SLC4A5: variants seen among roughly 807,000 people sequenced by gnomAD.
The protein encoded by SLC4A5 is solute carrier family 4 member 5, also known as electrogenic sodium bicarbonate cotransporter 4.
Under a neutral mutation model 120.4 loss-of-function variants are expected in SLC4A5, and 96 were observed. The ratio of observed to expected loss-of-function variants is 0.80; its 90% CI spans 0.68 to 0.94. The LOEUF (loss-of-function observed/expected upper bound fraction) is 0.94, where lower values mean the gene tolerates loss of function less well. Ranked by LOEUF, SLC4A5 falls within the 40% of genes least tolerant of loss-of-function variation. The pLI is 0.00. For missense variants in SLC4A5, 1,259 were observed against 1,459.5 expected, an observed-to-expected ratio of 0.86 and a Z score of 2.24; for synonymous variants, 550 against 571.1, an observed-to-expected ratio of 0.96 and a Z score of 0.53.
intron 4 of SLC4A5, among the ~76,000 whole-genome samples, chr2:74,331,617 T>C (rs1015773377): frequency 1.6e-4 from 24 of 151,926 alleles, no homozygotes; most frequent in African/African-American, 5.6e-4. Context: ...CATGGTACCT[T>C]TGGGAAATCA....
intron 9 of SLC4A5, among the ~76,000 whole-genome samples, 189 bp from the exon 10 acceptor site, chr2:74,264,488 A>AAG (rs1671238772): frequency 2.3e-5 from 2 of 87,934 alleles, no homozygotes; most frequent in African/African-American, 1.9e-4. Context: ...GTTCAAGGGC[A>AAG]CGTGTGTGTG....
intron 5 of SLC4A5, among the ~76,000 whole-genome samples, chr2:74,317,754 C>A (rs1056131658): frequency 3.3e-5 from 5 of 152,230 alleles, no homozygotes. Flanking sequence ...GAAGTTTAGG[C>A]CCTCCAGGCA....
intron 9 of SLC4A5, 100 bp from the exon 10 acceptor site, chr2:74,264,399 AG>A: frequency 7.2e-7 from 1 of 1,390,538 alleles, no homozygotes; most frequent in Non-Finnish European, 9.7e-7. Flanking sequence ...TAAATGTGGC[AG>A]AGGGGGTGTG....
chr2:74,323,305 TA>T (rs1477780665), intron 5 of SLC4A5, among the ~76,000 whole-genome samples: 3 of 152,126 alleles, frequency 2.0e-5, no homozygotes, highest in Non-Finnish European at 4.4e-5. Context: ...GTTTCCAACC[TA>T]ACATTCTCCA....
At chr2:74,271,030 C>T (rs774222816) in intron 8 of SLC4A5, among the ~76,000 whole-genome samples, 4 of 152,202 alleles carry the variant, frequency 2.6e-5, no homozygotes, top group Non-Finnish European at 4.4e-5. Flanking sequence ...TTCTACTACA[C>T]CAGTGTGCCT....
At position 74,219,832 on chromosome 2, in the gene SLC4A5, G is replaced by C. The variant is rs58905067; in HGVS notation, c.*34-1040C>G. On this transcript the variant is annotated intron_variant, in intron 30 of 30. Coordinates refer to ENST00000394019, the Ensembl canonical transcript of SLC4A5. ...CATATATAGGAGCCTGACTGGGGAA[G>C]TGGGATGAGAAGGAAGGTGGAGATT... 5.6e-3 allele frequency among the ~76,000 whole-genome samples: 852 copies of C among 152,338 alleles called. 4 individuals are homozygous for C. The highest frequency in any genetic ancestry group is 0.02 in the African/African-American group (816 of 41,558).
chr2:74,265,292 T>C, intron 8 of SLC4A5, 28 bp from the exon 9 acceptor site: 1 of 1,606,532 alleles, frequency 6.2e-7, no homozygotes, highest in African/African-American at 1.3e-5. Flanking sequence ...GGGCTCAGTG[T>C]GGCCAGGGCC....
chr2:74,250,583 A>G, intron 16 of SLC4A5, 66 bp from the exon 17 acceptor site: 1 of 1,583,906 alleles, frequency 6.3e-7, no homozygotes, highest in Non-Finnish European at 8.6e-7. Flanking sequence ...AGGGCTATTT[A>G]CAAGAACTTG....
At chr2:74,325,299 T>C (rs1673192807) in intron 5 of SLC4A5, among the ~76,000 whole-genome samples, 2 of 152,250 alleles carry the variant, frequency 1.3e-5, no homozygotes, top group African/African-American at 2.4e-5. Context: ...CTACAAACTA[T>C]AGAAGTATGG....
intron 7 of SLC4A5, among the ~76,000 whole-genome samples, chr2:74,295,946 C>T (rs1410406059): frequency 6.6e-6 from 1 of 152,146 alleles, no homozygotes; most frequent in East Asian, 1.9e-4. Flanking sequence ...AAGGTGTGGG[C>T]CTATTCTAGA....
intron 14 of SLC4A5, among the ~76,000 whole-genome samples, chr2:74,253,492 C>T (rs1670860265): frequency 6.6e-6 from 1 of 152,112 alleles, no homozygotes; most frequent in South Asian, 2.1e-4. Flanking sequence ...TTTTTACTTC[C>T]AGCCCTTCGC....
At chr2:74,284,011 AT>A (rs968925949) in intron 8 of SLC4A5, among the ~76,000 whole-genome samples, 10 of 150,958 alleles carry the variant, frequency 6.6e-5, no homozygotes, top group African/African-American at 2.2e-4. Flanking sequence ...CTAATTTTCT[AT>A]TTTTATTTTT....
chr2:74,294,321 A>T (rs550823649), intron 7 of SLC4A5, among the ~76,000 whole-genome samples: 2 of 152,300 alleles, frequency 1.3e-5, no homozygotes, highest in East Asian at 3.9e-4. Flanking sequence ...AAAAGAGAAC[A>T]ACGACATCCA....
chr2:74,274,564 A>C (rs1350548707), intron 8 of SLC4A5, among the ~76,000 whole-genome samples: 1 of 152,224 alleles, frequency 6.6e-6, no homozygotes, highest in Non-Finnish European at 1.5e-5. Context: ...GAAGTTCAGA[A>C]GCTACCAGAA....
chr2:74,278,333 C>T (rs114429302), intron 8 of SLC4A5, among the ~76,000 whole-genome samples: 33 of 152,322 alleles, frequency 2.2e-4, no homozygotes, highest in African/African-American at 7.7e-4. Context: ...CACTCACTGG[C>T]CAACTAATCT....
chr2:74,314,658 A>G (rs1048708515), intron 6 of SLC4A5, among the ~76,000 whole-genome samples: 1 of 152,204 alleles, frequency 6.6e-6, no homozygotes. Context: ...TTTGGCATTT[A>G]TTATGGTTTG....
intron 5 of SLC4A5, 26 bp from the exon 6 acceptor site, chr2:74,315,051 C>T: frequency 6.4e-7 from 1 of 1,567,636 alleles, no homozygotes; most frequent in Non-Finnish European, 8.8e-7. Context: ...AACACAGCCT[C>T]AAAATGTATA....
In SLC4A5 at chr2:74,334,140, G is replaced by T. The variant is rs2104347859; in HGVS notation, c.-183C>A. ...TTTAGCTGTTTCTGAACCATGTCCA[G>T]GGTTGAGAAGGGAACATACTGTGAT... is the stretch of plus-strand genomic sequence containing the variant. On this transcript the variant is annotated 5_prime_UTR_variant, in exon 4 of 31. In the 5' UTR this introduces an upstream ATG that the reference lacks. Coordinates refer to ENST00000394019, the Ensembl canonical transcript of SLC4A5. The T allele has an allele frequency of 6.6e-6, 1 of 152,328 alleles. No individual in the cohort carries two copies. The highest frequency in any genetic ancestry group is 1.5e-5 in the Non-Finnish European group (1 of 68,070). The allele number at this position is 152,328 out of a possible 1,614,324, so 9.4% of individuals were successfully genotyped here.
chr2:74,257,814 T>C (rs1043510089), intron 12 of SLC4A5, among the ~76,000 whole-genome samples: 1 of 152,124 alleles, frequency 6.6e-6, no homozygotes, highest in Non-Finnish European at 1.5e-5. Context: ...CTGGCCTCAA[T>C]CCATCAGCCT....
Sources: allele counts gnomAD v4.1 joint callset (sites outside exome capture counted in the v4.1 genomes callset), GRCh38; gene constraint gnomAD v4.1.1; transcripts MANE v1.5; gene names NCBI Gene and HGNC (gene_info 2026-07-23, HGNC 2026-07-21).